SLC38A6: variants seen among roughly 807,000 people sequenced by gnomAD.
The protein encoded by SLC38A6 is N system amino acid transporter NAT-1.
In SLC38A6, 73 loss-of-function variants were observed where a neutral mutation model predicts 65.0. The observed-to-expected ratio is 1.12, with a 90% CI of 0.93 to 1.37. The LOEUF is 1.37. SLC38A6 is among the 40% of genes most tolerant of loss of function. The pLI is 0.00. For synonymous variants in SLC38A6, 183 were observed against 178.8 expected, an observed-to-expected ratio of 1.02 and a Z score of -0.19; for missense variants, 561 against 531.1, an observed-to-expected ratio of 1.06 and a Z score of -0.55.
intron 3 of SLC38A6, among the ~76,000 whole-genome samples, chr14:61,010,217 G>T (rs12881833): frequency 0.93 from 141,752 of 152,206 alleles, 66,397 homozygotes; most frequent in Non-Finnish European, 0.99. Context: ...TCGCCCACTT[G>T]TTGATGCGGT....
chr14:61,044,204 A>G (rs901204496), intron 10 of SLC38A6, among the ~76,000 whole-genome samples: 4 of 152,176 alleles, frequency 2.6e-5, no homozygotes, highest in Non-Finnish European at 5.9e-5. Flanking sequence ...GCTATTTTGT[A>G]TAGTTCCCAG....
chr14:61,047,058 C>T (rs1416175550), intron 12 of SLC38A6, among the ~76,000 whole-genome samples: 1 of 151,954 alleles, frequency 6.6e-6, no homozygotes, highest in Non-Finnish European at 1.5e-5. Context: ...CTCTTGGGAT[C>T]CAAAAATATT....
chr14:61,082,548 C>T (rs2043698023), intron 16 of SLC38A6, among the ~76,000 whole-genome samples: 1 of 152,178 alleles, frequency 6.6e-6, no homozygotes, highest in Non-Finnish European at 1.5e-5. Flanking sequence ...CTTCAGTGTG[C>T]TTCTGCAGCA....
At chr14:60,992,112 G>A (rs1275469653) in intron 3 of SLC38A6, among the ~76,000 whole-genome samples, 1 of 152,100 alleles carries the variant, frequency 6.6e-6, no homozygotes, top group Non-Finnish European at 1.5e-5. Flanking sequence ...ATCTTTATCC[G>A]TACTTGTACT....
In SLC38A6 at chr14:61,078,851, C is replaced by A. The variant is rs775288669; in HGVS notation, c.1332C>A (p.Ile444=). 3 of 210,966 alleles carry A rather than the reference C, an allele frequency of 1.4e-5. No homozygotes were observed. The South Asian group carries it at 2.1e-4, about 15-fold the overall frequency. 13.1% of individuals were successfully genotyped at this position (210,966 alleles called of 1,614,324 possible). A position where few individuals can be genotyped will look rare whatever the true frequency, so the allele number is the denominator to read the frequency against. The change falls in exon 16 of 17, where the codon ATC becomes ATA. Residue 444 remains isoleucine (I), a synonymous_variant. Coordinates refer to the SLC38A6 transcript ENST00000354886. The stretch of plus-strand genomic sequence containing the variant: ...ACAGGTTGGCGTGCAGTGGTGTGAT[C>A]TCAGCTCATTGCAACCTCTGCCTCC...
In SLC38A6 at chr14:61,043,449, G is replaced by C; in HGVS notation, c.691-1G>C. 1 of 1,605,356 alleles carries C rather than the reference G, an allele frequency of 6.2e-7. No individual in the cohort carries two copies. Among genetic ancestry groups the C allele is most frequent in the East Asian group, 2.2e-5 (1 of 44,662 alleles). On this transcript the variant is annotated splice_acceptor_variant, in intron 9 of 15. Transcript: ENST00000267488. LOFTEE classifies it high-confidence loss of function. ...TTTTTCCCCTCAATGCTCTTAAACA[G>C]ATTTCAAATGTTACAGATGATTGTA...
At chr14:61,006,164 T>C (rs1463866733) in intron 3 of SLC38A6, among the ~76,000 whole-genome samples, 2 of 152,150 alleles carry the variant, frequency 1.3e-5, no homozygotes, top group African/African-American at 2.4e-5. Flanking sequence ...TTACACCTTA[T>C]ACAAAAATTA....
At chr14:61,022,379 A>C (rs1463850760) in intron 5 of SLC38A6, among the ~76,000 whole-genome samples, 1 of 151,754 alleles carries the variant, frequency 6.6e-6, no homozygotes, top group African/African-American at 2.4e-5. Context: ...TATATACAGA[A>C]TCTGTGGAAC....
chr14:61,037,698 T>C lies in SLC38A6; in HGVS notation c.624+15T>C, dbSNP rs2041497330. The C allele has an allele frequency of 2.6e-6, 4 of 1,515,022 alleles. No individual in the cohort carries two copies. The highest frequency in any genetic ancestry group is 1.7e-4 in the Middle Eastern group (1 of 5,896). The allele number at this position is 1,515,022 out of a possible 1,614,324, so 93.8% of individuals were successfully genotyped here. On this transcript the variant is annotated intron_variant, in intron 8 of 15. Transcript: ENST00000267488. ...TTGCTCTTGTGGTAAGTTTAAAATA[T>C]AATACATTGCTTATCTCCTCACTAA...
intron 6 of SLC38A6, among the ~76,000 whole-genome samples, chr14:61,035,167 T>A (rs2041266616): frequency 6.6e-6 from 1 of 152,184 alleles, no homozygotes; most frequent in Non-Finnish European, 1.5e-5. Flanking sequence ...TTTACTTTGT[T>A]ACTATTGTGC....
intron 12 of SLC38A6, 57 bp from the exon 13 acceptor site, chr14:61,050,455 T>G: frequency 1.7e-6 from 2 of 1,203,010 alleles, no homozygotes; most frequent in Non-Finnish European, 2.2e-6. Context: ...GAAAACAATT[T>G]TGTTACTATT....
chr14:61,015,093 C>A (rs886239360), intron 3 of SLC38A6, among the ~76,000 whole-genome samples: 4 of 152,190 alleles, frequency 2.6e-5, no homozygotes, highest in African/African-American at 4.8e-5. Flanking sequence ...CAGCGCCCAT[C>A]CCCCAGCCTC....
intron 3 of SLC38A6, among the ~76,000 whole-genome samples, chr14:61,009,986 A>G (rs1359187376): frequency 1.3e-5 from 2 of 152,188 alleles, no homozygotes; most frequent in Non-Finnish European, 2.9e-5. Context: ...GAACTAGTTT[A>G]CAGTCCCACC....
intron 15 of SLC38A6, among the ~76,000 whole-genome samples, chr14:61,064,531 A>G (rs1273945607): frequency 6.6e-6 from 1 of 150,438 alleles, no homozygotes; most frequent in East Asian, 1.9e-4. Context: ...TTATTTGTGC[A>G]GGTATTCATT....
At chr14:61,007,122 A>G (rs532582081) in intron 3 of SLC38A6, among the ~76,000 whole-genome samples, 2 of 152,260 alleles carry the variant, frequency 1.3e-5, no homozygotes, top group South Asian at 2.1e-4. Flanking sequence ...GAATTGAACA[A>G]TGAGAACACA....
Position 60,984,673 on chromosome 14 carries a change from A to G in SLC38A6, c.237-57A>G, listed in dbSNP as rs920840064. 12 of 1,444,568 alleles carry G rather than the reference A, an allele frequency of 8.3e-6. No individual in the cohort carries two copies. In the African/African-American group the frequency reaches 1.5e-4, roughly 18 times the overall value. The allele number at this position is 1,444,568 out of a possible 1,614,324, so 89.5% of individuals were successfully genotyped here. A position where few individuals can be genotyped will look rare whatever the true frequency, so the allele number is the denominator to read the frequency against. On this transcript the variant is annotated intron_variant, in intron 2 of 15. Coordinates refer to ENST00000267488, the MANE Select transcript of SLC38A6 (RefSeq NM_153811.3). ...AAGCAATTTGTTTTTGTAATGAGAC[A>G]CCATACAAAAGACAAACTTTTGGGA...
Position 61,064,944 on chromosome 14 carries a change from G to C in SLC38A6, c.1290+12809G>C, listed in dbSNP as rs189018718. ...TTACTCATGAGCTTAGCATTTAAAT[G>C]GTTAAAACAAGGCTTTGAAGTTAAC... On this transcript the variant is annotated intron_variant, in intron 15 of 16. Coordinates refer to the SLC38A6 transcript ENST00000354886. Among the ~76,000 whole-genome samples, 7 of 152,186 alleles carry C rather than the reference G, an allele frequency of 4.6e-5. No individual in the cohort carries two copies. In the East Asian group the frequency reaches 1.4e-3, roughly 29 times the overall value.
In SLC38A6 at chr14:61,018,924, T is replaced by C. The variant is rs937710349; in HGVS notation, c.364-617T>C. The stretch of plus-strand genomic sequence containing the variant: ...CCAGAGCTGAGTAGCACCTGCCCCA[T>C]TGAAGGGGGAGGAATTCTCCAATAT... On this transcript the variant is annotated intron_variant, in intron 4 of 15. Transcript: ENST00000267488. Among the ~76,000 whole-genome samples the C allele has an allele frequency of 1.6e-4, 25 of 152,162 alleles. 1 individual carries two copies. Among genetic ancestry groups the C allele is most frequent in the Admixed American group, 6.5e-5 (1 of 15,272 alleles).
At chr14:61,041,595 G>A (rs1213203929) in intron 8 of SLC38A6, among the ~76,000 whole-genome samples, 11 of 152,022 alleles carry the variant, frequency 7.2e-5, no homozygotes. Flanking sequence ...GTTAGTTAGG[G>A]GAAAATATAA....
Sources: allele counts gnomAD v4.1 joint callset (sites outside exome capture counted in the v4.1 genomes callset), GRCh38; gene constraint gnomAD v4.1.1; transcripts MANE v1.5; gene names NCBI Gene and HGNC (gene_info 2026-07-23, HGNC 2026-07-21).